The following STAT4 variants were observed in gnomAD, a reference collection of about 807,000 sequenced individuals.
STAT4 encodes the protein signal transducer and activator of transcription 4.
Under a neutral mutation model 110.5 loss-of-function variants are expected in STAT4, and 42 were observed. The ratio of observed to expected loss-of-function variants is 0.38; its 90% CI spans 0.30 to 0.49. STAT4 has a LOEUF of 0.49. STAT4 is among the 20% of genes least tolerant of loss of function. The probability of loss-of-function intolerance (pLI) is 0.95; values close to 1 mark genes in which losing one functional copy is unlikely to be tolerated. For missense variants in STAT4, 632 were observed against 887.9 expected (o/e 0.71, Z 3.66); for synonymous variants, 284 against 302.2 (o/e 0.94, Z 0.63).
At chr2:191,129,205 G>C (rs761079797) in intron 3 of STAT4, among the ~76,000 whole-genome samples, 7 of 152,108 alleles carry the variant, frequency 4.6e-5, no homozygotes, top group Non-Finnish European at 8.8e-5. Flanking sequence ...TTACCAGTTA[G>C]TAAATGATAA....
chr2:191,141,743 G>A (rs1175298893), intron 3 of STAT4, among the ~76,000 whole-genome samples: 1 of 151,740 alleles, frequency 6.6e-6, no homozygotes, highest in Non-Finnish European at 1.5e-5. Flanking sequence ...GGATTCTCCT[G>A]CCTCAGCCTC....
At chr2:191,056,620 G>A (rs983498654) in intron 13 of STAT4, among the ~76,000 whole-genome samples, 1 of 151,852 alleles carries the variant, frequency 6.6e-6, no homozygotes, top group Non-Finnish European at 1.5e-5. Context: ...ATATTTTTGT[G>A]GTACATGTGA....
chr2:191,055,365 A>ATTTT (rs371295889), intron 13 of STAT4, among the ~76,000 whole-genome samples: 2 of 96,956 alleles, frequency 2.1e-5, no homozygotes, highest in South Asian at 3.6e-4. Context: ...AGCCTGGCTA[A>ATTTT]TTTTTTTTTT....
intron 13 of STAT4, among the ~76,000 whole-genome samples, chr2:191,055,625 T>C (rs966536367): frequency 6.6e-6 from 1 of 152,178 alleles, no homozygotes. Flanking sequence ...AGTGTTGGGA[T>C]TACAGGCGTG....
intron 3 of STAT4, among the ~76,000 whole-genome samples, chr2:191,137,622 A>G (rs1010441605): frequency 2.0e-5 from 3 of 152,246 alleles, no homozygotes; most frequent in African/African-American, 7.2e-5. Flanking sequence ...AAAGTATATT[A>G]TAAGACTATA....
At chr2:191,034,798 C>T (rs1053244027) in intron 17 of STAT4, among the ~76,000 whole-genome samples, 1 of 152,002 alleles carries the variant, frequency 6.6e-6, no homozygotes, top group Non-Finnish European at 1.5e-5. Flanking sequence ...AGAAAATAAG[C>T]TTTTTGGTGG....
intron 3 of STAT4, among the ~76,000 whole-genome samples, chr2:191,121,677 A>G (rs1698735729): frequency 6.6e-6 from 1 of 151,676 alleles, no homozygotes; most frequent in Admixed American, 6.6e-5. Flanking sequence ...AAGGACAAAA[A>G]ACCAAACACC....
intron 14 of STAT4, among the ~76,000 whole-genome samples, chr2:191,044,019 G>A (rs774545458): frequency 6.7e-6 from 1 of 150,144 alleles, no homozygotes; most frequent in Non-Finnish European, 1.5e-5. Context: ...GAGAGGAAAA[G>A]GATTAAAGGC....
At chr2:191,130,120 G>A (rs1559080569) in intron 3 of STAT4, among the ~76,000 whole-genome samples, 1 of 151,854 alleles carries the variant, frequency 6.6e-6, no homozygotes, top group Non-Finnish European at 1.5e-5. Context: ...AATAGAATTA[G>A]CTGCGAATAG....
chr2:191,034,103 A>G (rs1695973466), intron 18 of STAT4, 98 bp from the exon 19 acceptor site: 1 of 838,366 alleles, frequency 1.2e-6, no homozygotes, highest in African/African-American at 1.8e-5. Flanking sequence ...ATTATCTTTA[A>G]ACTGGACAAC....
At position 191,051,976 on chromosome 2, in the gene STAT4, A is replaced by G. The variant is rs566690600; in HGVS notation, c.1251+2514T>C. Among the ~76,000 whole-genome samples the G allele has an allele frequency of 5.3e-4, 81 of 152,358 alleles. No homozygotes were observed. Among genetic ancestry groups the G allele is most frequent in the African/African-American group, 1.8e-3 (74 of 41,590 alleles). ...TAGTGAAGCTCTTAGTGTCCAGTAT[A>G]TAGTAAATGCCACACGAGGATTGTT... On this transcript the variant is annotated intron_variant, in intron 14 of 23. Transcript: ENST00000392320. The surrounding 1 kb of genome is among the most constrained non-coding windows in gnomAD (Gnocchi z 5.6).
rs1698403928 is a variant in STAT4 at position 191,110,851 on chromosome 2, T to C, written c.274-34526A>G. ...CAGGCTGGAGTGCAGTGGCGCAGTC[T>C]CGTCTCACTGCAACCTCTGCCTCCT... is the stretch of plus-strand genomic sequence containing the variant. On this transcript the variant is annotated intron_variant, in intron 3 of 23. Coordinates refer to ENST00000392320, the MANE Select transcript of STAT4 (RefSeq NM_003151.4). This position sits in a 1 kb window ranked among gnomAD's most constrained non-coding sequence, Gnocchi z 4.5. 6.6e-6 allele frequency among the ~76,000 whole-genome samples: 1 copy of C among 152,190 alleles called. No homozygotes were observed. The highest frequency in any genetic ancestry group is 2.4e-5 in the African/African-American group (1 of 41,458).
rs1021885428 is a variant in STAT4 at position 191,037,724 on chromosome 2, A to T, written c.1435-1425T>A. 1.4e-4 allele frequency among the ~76,000 whole-genome samples: 21 copies of T among 152,206 alleles called. No homozygotes were observed. Among genetic ancestry groups the T allele is most frequent in the African/African-American group, 4.8e-4 (20 of 41,440 alleles). ...TCAGAAGGTGGGAATGAAAGAGGAC[A>T]CAGCATCCAACAAGGAATGGGCAAT... On this transcript the variant is annotated intron_variant, in intron 16 of 23. Coordinates refer to ENST00000392320, the MANE Select transcript of STAT4 (RefSeq NM_003151.4). This position sits in a 1 kb window ranked among gnomAD's most constrained non-coding sequence, Gnocchi z 4.8.
intron 5 of STAT4, among the ~76,000 whole-genome samples, chr2:191,072,829 C>T (rs1697206028): frequency 6.6e-6 from 1 of 152,176 alleles, no homozygotes; most frequent in South Asian, 2.1e-4. Flanking sequence ...CAAATGCACA[C>T]ATTTCTGGAA....
rs1317627248 is a variant in STAT4 at position 191,104,384 on chromosome 2, G to C, written c.274-28059C>G. ...TCTCACTAACATTTATTTTCTAGGA[G>C]AAGATGAGGTAATATTGTAGATAAA... On this transcript the variant is annotated intron_variant, in intron 3 of 23. Coordinates refer to ENST00000392320, the MANE Select transcript of STAT4 (RefSeq NM_003151.4). This position sits in a 1 kb window ranked among gnomAD's most constrained non-coding sequence, Gnocchi z 4.3. Among the ~76,000 whole-genome samples, 1 of 152,064 alleles carries C rather than the reference G, an allele frequency of 6.6e-6. No individual in the cohort carries two copies. The highest frequency in any genetic ancestry group is 1.5e-5 in the Non-Finnish European group (1 of 67,992).
At position 191,029,738 on chromosome 2, in the gene STAT4, G is replaced by T; in HGVS notation, c.*102C>A. The stretch of plus-strand genomic sequence containing the variant: ...AGATGTCAAACATTTCCTAGAACCT[G>T]GTATTTACAAAGCTGAAGAAATAAA... On this transcript the variant is annotated 3_prime_UTR_variant, in exon 24 of 24. Coordinates refer to ENST00000392320, the MANE Select transcript of STAT4 (RefSeq NM_003151.4). The surrounding 1 kb of genome is among the most constrained non-coding windows in gnomAD (Gnocchi z 4.5). The T allele has an allele frequency of 9.4e-7, 1 of 1,058,320 alleles. No homozygotes were observed. Among genetic ancestry groups the T allele is most frequent in the Non-Finnish European group, 1.4e-6 (1 of 705,142 alleles). 65.6% of individuals were successfully genotyped at this position (1,058,320 alleles called of 1,614,324 possible). A position where few individuals can be genotyped will look rare whatever the true frequency, so the allele number is the denominator to read the frequency against.
rs763099296 is a variant in STAT4 at position 191,048,484 on chromosome 2, G to GCA, written c.1251+6004_1251+6005dup. On this transcript the variant is annotated intron_variant, in intron 14 of 23. Coordinates refer to ENST00000392320, the MANE Select transcript of STAT4 (RefSeq NM_003151.4). ...AATGGAAAAACATCATAGATAAGAT[G>GCA]CACCATTAGGGCCGGGCACAGTGGC... Among the ~76,000 whole-genome samples, 8 of 152,006 alleles carry GCA rather than the reference G, an allele frequency of 5.3e-5. No homozygotes were observed. In the East Asian group the frequency reaches 5.8e-4, roughly 11 times the overall value.
At chr2:191,056,799 T>G (rs62179927) in intron 13 of STAT4, among the ~76,000 whole-genome samples, 1 of 110,304 alleles carries the variant, frequency 9.1e-6, no homozygotes, top group African/African-American at 2.8e-5. Flanking sequence ...TTTTTTTTTT[T>G]GGAGACTGAG....
Position 191,061,848 on chromosome 2 carries a change from C to T in STAT4, c.942-27G>A. The T allele has an allele frequency of 1.3e-6, 2 of 1,592,934 alleles. No individual in the cohort carries two copies. Among genetic ancestry groups the T allele is most frequent in the Non-Finnish European group, 1.7e-6 (2 of 1,163,704 alleles). Reference sequence around the variant, plus strand: ...TAGATGAAAAGGAAATAAAGCGCATCATTTGAAAACACTGAAAATATTGAG... The same window carrying T: ...TAGATGAAAAGGAAATAAAGCGCATTATTTGAAAACACTGAAAATATTGAG... On this transcript the variant is annotated intron_variant, in intron 9 of 23. Transcript: ENST00000392320. The surrounding 1 kb of genome is among the most constrained non-coding windows in gnomAD (Gnocchi z 6.2).
Sources: gnomAD v4.1 joint callset for allele counts (sites outside exome capture counted in the v4.1 genomes callset) on GRCh38, gnomAD v4.1.1 for gene constraint, Gnocchi (gnomAD v3.1) non-coding constraint, MANE v1.5 for transcripts, NCBI Gene and HGNC (gene_info 2026-07-23, HGNC 2026-07-21) for gene names.